Variants in PDE7B observed in about 807,000 individuals in gnomAD.
The protein encoded by PDE7B is 3',5'-cyclic-AMP phosphodiesterase 7B.
PDE7B carries 29 observed loss-of-function variants against 56.2 expected under a neutral mutation model. The observed-to-expected ratio is 0.52, with a 90% CI of 0.38 to 0.70. The LOEUF (loss-of-function observed/expected upper bound fraction) is 0.70. PDE7B is among the 30% of genes least tolerant of loss of function. PDE7B has a pLI of 0.00. For synonymous variants in PDE7B, 197 were observed against 196.9 expected (o/e 1.00, Z 0.00); for missense variants, 490 against 565.0 (o/e 0.87, Z 1.35).
At position 136,187,072 on chromosome 6, in the gene PDE7B, C is replaced by G. The variant is rs978489566; in HGVS notation, c.1082C>G (p.Pro361Arg). ...CAGAAATTTGAACTGGAAATCAGTC[C>G]TCTTTGTAATCAACAGAAAGATTCC... Reference protein sequence around the residue: ...LEQKFELEISPLCNQQKDSIP... With the variant: ...LEQKFELEISRLCNQQKDSIP... Residue 361 changes from proline to arginine, a missense_variant, in exon 12 of 13, where the codon CCT (proline) becomes CGT (arginine). Coordinates refer to ENST00000308191, the MANE Select transcript of PDE7B (RefSeq NM_018945.4). The G allele has an allele frequency of 6.3e-7, 1 of 1,592,366 alleles. No homozygotes were observed. The highest frequency in any genetic ancestry group is 8.6e-7 in the Non-Finnish European group (1 of 1,161,654).
intron 1 of PDE7B, among the ~76,000 whole-genome samples, chr6:135,938,412 A>T (rs563467995): frequency 5.9e-5 from 9 of 152,326 alleles, no homozygotes; most frequent in African/African-American, 2.2e-4. Flanking sequence ...GATTTGTGGC[A>T]TATGTATTTG....
At chr6:136,177,297 CTATT>C (rs1220828928) in intron 9 of PDE7B, among the ~76,000 whole-genome samples, 1 of 151,808 alleles carries the variant, frequency 6.6e-6, no homozygotes, top group Admixed American at 6.6e-5. Flanking sequence ...ACCCCCATCT[CTATT>C]TATAAATTTA....
rs182639830 is a variant in PDE7B, at chr6:136,066,575, C to G, written c.83-42156C>G. Among the ~76,000 whole-genome samples the G allele has an allele frequency of 2.8e-4, 43 of 152,294 alleles. 2 individuals carry two copies. The East Asian group carries it at 8.3e-3, about 29-fold the overall frequency. ...ATAGATGTTCAGCCCTTTCGCTATG[C>G]AGGTGCAAACCAGTTATGAAAACAG... is the stretch of plus-strand genomic sequence containing the variant. On this transcript the variant is annotated intron_variant, in intron 2 of 12. Coordinates refer to ENST00000308191, the MANE Select transcript of PDE7B (RefSeq NM_018945.4).
At chr6:135,972,526 G>A (rs1775111522) in intron 2 of PDE7B, among the ~76,000 whole-genome samples, 1 of 152,200 alleles carries the variant, frequency 6.6e-6, no homozygotes, top group Non-Finnish European at 1.5e-5. Flanking sequence ...AACCTTTGAA[G>A]TTAGTGTGTT....
intron 2 of PDE7B, among the ~76,000 whole-genome samples, chr6:136,010,166 T>C (rs1338931339): frequency 6.6e-6 from 1 of 152,172 alleles, no homozygotes; most frequent in South Asian, 2.1e-4. Context: ...TCTCTCTTAC[T>C]TATCCAAAAG....
At chr6:136,099,244 AT>A (rs1191676753) in intron 2 of PDE7B, among the ~76,000 whole-genome samples, 13 of 152,148 alleles carry the variant, frequency 8.5e-5, no homozygotes, top group Non-Finnish European at 4.4e-5. Flanking sequence ...ATACCTGTGC[AT>A]GTGTCTTTAT....
chr6:135,997,228 A>T (rs994359265), intron 2 of PDE7B, among the ~76,000 whole-genome samples: 1 of 151,730 alleles, frequency 6.6e-6, no homozygotes, highest in East Asian at 1.9e-4. Flanking sequence ...GACCTAAGCA[A>T]TATGGTGAGG....
chr6:135,916,241 T>A (rs1773931497), intron 1 of PDE7B, among the ~76,000 whole-genome samples: 1 of 152,122 alleles, frequency 6.6e-6, no homozygotes, highest in Non-Finnish European at 1.5e-5. Flanking sequence ...GTTGTTGTGT[T>A]AAGTTTAGCC....
chr6:136,019,501 C>T (rs1344455480), intron 2 of PDE7B, among the ~76,000 whole-genome samples: 1 of 152,114 alleles, frequency 6.6e-6, no homozygotes, highest in Admixed American at 6.6e-5. Flanking sequence ...ACCAAATATG[C>T]TTTTTGTCAT....
chr6:135,985,666 G>A (rs1421863431), intron 2 of PDE7B, among the ~76,000 whole-genome samples: 1 of 152,172 alleles, frequency 6.6e-6, no homozygotes, highest in Non-Finnish European at 1.5e-5. Flanking sequence ...ATGCCCAAAA[G>A]TATTTCTGTC....
At position 136,167,219 on chromosome 6, in the gene PDE7B, A is replaced by G. The variant is rs1305774385; in HGVS notation, c.712-6578A>G. Among the ~76,000 whole-genome samples, 7 of 152,204 alleles carry G rather than the reference A, an allele frequency of 4.6e-5. No homozygotes were observed. In the South Asian group the frequency reaches 8.3e-4, roughly 18 times the overall value. ...CTGCTCTTCTCTCCATGCATTTACT[A>G]TCTTCTAACATGCTATCCAACTCTT... On this transcript the variant is annotated intron_variant, in intron 8 of 12. Transcript: ENST00000308191.
intron 8 of PDE7B, among the ~76,000 whole-genome samples, chr6:136,162,505 A>G (rs950302713): frequency 1.3e-5 from 2 of 152,148 alleles, no homozygotes; most frequent in South Asian, 2.1e-4. Context: ...CTACAATTCA[A>G]GTTGAGAATT....
chr6:136,096,459 T>C (rs1388886188), intron 2 of PDE7B, among the ~76,000 whole-genome samples: 1 of 151,056 alleles, frequency 6.6e-6, no homozygotes, highest in Non-Finnish European at 1.5e-5. Context: ...AATGTGCCCA[T>C]CTTTTCCTTC....
intron 6 of PDE7B, among the ~76,000 whole-genome samples, chr6:136,151,995 C>T (rs988331770): frequency 2.0e-5 from 3 of 152,020 alleles, no homozygotes; most frequent in African/African-American, 7.3e-5. Flanking sequence ...ATTTCCTATT[C>T]ATCAAGTGGA....
chr6:135,946,393 G>A (rs112459817), intron 1 of PDE7B, among the ~76,000 whole-genome samples: 2,012 of 151,962 alleles, frequency 0.013, 54 homozygotes, highest in African/African-American at 0.045. Flanking sequence ...CATTAAAGTT[G>A]TATATGAAAT....
intron 2 of PDE7B, among the ~76,000 whole-genome samples, chr6:136,075,945 T>C (rs1346672366): frequency 6.6e-6 from 1 of 152,188 alleles, no homozygotes; most frequent in Non-Finnish European, 1.5e-5. Flanking sequence ...TTTGTCTCCA[T>C]TTTTTATACG....
chr6:135,947,009 C>A (rs187347402), intron 1 of PDE7B, among the ~76,000 whole-genome samples: 1 of 152,066 alleles, frequency 6.6e-6, no homozygotes, highest in East Asian at 1.9e-4. Context: ...TTTTTCCTTC[C>A]AAGTTCAGAG....
At chr6:135,915,029 G>A (rs910490861) in intron 1 of PDE7B, among the ~76,000 whole-genome samples, 1 of 151,510 alleles carries the variant, frequency 6.6e-6, no homozygotes, top group African/African-American at 2.4e-5. Context: ...GGAGGTGGAG[G>A]TTGCAGTGAG....
intron 3 of PDE7B, among the ~76,000 whole-genome samples, chr6:136,120,394 C>T (rs369082129): frequency 2.0e-5 from 3 of 152,012 alleles, no homozygotes; most frequent in African/African-American, 7.3e-5. Context: ...TTTCACAAGA[C>T]ATTGAAGCAA....
Sources: gnomAD v4.1 joint callset for allele counts (sites outside exome capture counted in the v4.1 genomes callset) on GRCh38, gnomAD v4.1.1 for gene constraint, MANE v1.5 for transcripts, NCBI Gene and HGNC (gene_info 2026-07-23, HGNC 2026-07-21) for gene names.